THAP2: variants seen among roughly 807,000 people sequenced by gnomAD.
THAP2 encodes the protein THAP domain containing 2.
A neutral mutation model predicts 18.8 loss-of-function variants in THAP2; 16 were observed. The observed-to-expected ratio is 0.85, with a 90% confidence interval of 0.58 to 1.29. The LOEUF is 1.29. Among genes scored for constraint, THAP2 ranks in the 50% most tolerant of loss-of-function variants. The pLI is 0.00. For synonymous variants in THAP2, 80 were observed against 89.2 expected (o/e 0.90, Z 0.58); for missense variants, 251 against 265.3 (o/e 0.95, Z 0.38).
At chr12:71,664,653 A>T in intron 1 of THAP2, 73 bp downstream of exon 1, 1 of 1,538,600 alleles carries the variant, frequency 6.5e-7, no homozygotes, top group South Asian at 1.1e-5. Context: ...TGGAAGGAAC[A>T]GGAGGATTCT....
In THAP2 at chr12:71,676,705, A is replaced by C; in HGVS notation, c.284A>C (p.Asn95Thr). 6.3e-7 allele frequency: 1 copy of C among 1,577,154 alleles called. No individual in the cohort carries two copies. Among genetic ancestry groups the C allele is most frequent in the East Asian group, 2.2e-5 (1 of 44,498 alleles). ...HIKSMKLKSR[N>T]LLKKNNSCSP... ...TCGGCTCAGAAACTCAAGTCAAGGA[A>C]TCTTTTGAAGAAAAACAACAGTTGT... is the stretch of plus-strand genomic sequence containing the variant. Residue 95 changes from asparagine to threonine, a missense_variant, in exon 3 of 3, where the codon AAT becomes ACT. Coordinates refer to ENST00000308086, the MANE Select transcript of THAP2 (RefSeq NM_031435.4).
Sources: allele counts gnomAD v4.1 joint callset, GRCh38; gene constraint gnomAD v4.1.1; transcripts MANE v1.5; gene names NCBI Gene and HGNC (gene_info 2026-07-23, HGNC 2026-07-21).